KDM4C: variants seen among roughly 807,000 people sequenced by gnomAD.
The protein encoded by KDM4C is lysine demethylase 4C.
In KDM4C, 81 loss-of-function variants were observed where a neutral mutation model predicts 129.3. The observed-to-expected ratio is 0.63, with a 90% CI of 0.52 to 0.75. The LOEUF is 0.75. Ranked by LOEUF, KDM4C falls within the 30% of genes least tolerant of loss-of-function variation. KDM4C has a pLI of 0.00. For missense variants in KDM4C, 1,457 were observed against 1,304.0 expected (o/e 1.12, Z -1.81); for synonymous variants, 573 against 456.1 (o/e 1.26, Z -3.26).
intron 1 of KDM4C, among the ~76,000 whole-genome samples, chr9:6,759,099 A>C (rs1314829452): frequency 6.6e-6 from 1 of 151,822 alleles, no homozygotes; most frequent in Non-Finnish European, 1.5e-5. Context: ...GACAAGGTAA[A>C]CTTTTTTTTG....
intron 5 of KDM4C, among the ~76,000 whole-genome samples, chr9:6,861,730 T>A (rs1011988971): frequency 1.3e-5 from 2 of 152,112 alleles, no homozygotes; most frequent in African/African-American, 4.8e-5. Flanking sequence ...GCATAAAGTT[T>A]CTTGAACTCA....
intron 17 of KDM4C, among the ~76,000 whole-genome samples, chr9:7,069,706 A>C (rs542823226): frequency 3.3e-5 from 5 of 152,344 alleles, no homozygotes; most frequent in African/African-American, 1.2e-4. Context: ...TAATTTTATC[A>C]CATGGAAATG....
intron 8 of KDM4C, among the ~76,000 whole-genome samples, chr9:6,956,714 T>A (rs556849697): frequency 6.6e-6 from 1 of 152,358 alleles, no homozygotes; most frequent in East Asian, 1.9e-4. Context: ...CAATCCCTTC[T>A]TTATGAGGTC....
intron 1 of KDM4C, among the ~76,000 whole-genome samples, chr9:6,786,776 A>G (rs1270814034): frequency 1.3e-5 from 2 of 152,190 alleles, no homozygotes; most frequent in Admixed American, 1.3e-4. Context: ...ATTAATATAA[A>G]TACCTTTTAA....
intron 8 of KDM4C, among the ~76,000 whole-genome samples, chr9:6,958,586 GAAA>G (rs987352305): frequency 2.1e-5 from 3 of 140,386 alleles, no homozygotes; most frequent in Admixed American, 7.2e-5. Context: ...GACTCTGTCT[GAAA>G]AAAAAAAAAT....
intron 17 of KDM4C, among the ~76,000 whole-genome samples, chr9:7,083,499 C>G (rs1193320935): frequency 6.6e-6 from 1 of 152,142 alleles, no homozygotes; most frequent in Non-Finnish European, 1.5e-5. Context: ...CACATCTAGG[C>G]TATATGGTAT....
chr9:7,009,447 T>C (rs1278852403), intron 12 of KDM4C, among the ~76,000 whole-genome samples: 1 of 152,234 alleles, frequency 6.6e-6, no homozygotes, highest in Non-Finnish European at 1.5e-5. Context: ...AAATATTTTA[T>C]GCATACATTC....
intron 1 of KDM4C, among the ~76,000 whole-genome samples, chr9:6,752,096 G>C (rs1818089097): frequency 1.3e-5 from 2 of 150,480 alleles, no homozygotes; most frequent in African/African-American, 5.0e-5. Context: ...CACTTTGGGA[G>C]GCCGAGACGG....
chr9:6,905,546 T>A (rs1013211703), intron 8 of KDM4C, among the ~76,000 whole-genome samples: 1 of 152,246 alleles, frequency 6.6e-6, no homozygotes, highest in African/African-American at 2.4e-5. Context: ...TATACACTTA[T>A]GACCTTCAGA....
intron 4 of KDM4C, among the ~76,000 whole-genome samples, chr9:6,849,287 A>G (rs563573062): frequency 6.6e-6 from 1 of 152,342 alleles, no homozygotes; most frequent in African/African-American, 2.4e-5. Context: ...TTTCTACCAG[A>G]TAGTTGTATG....
chr9:6,780,377 C>T (rs1034391541), intron 1 of KDM4C, among the ~76,000 whole-genome samples: 3 of 139,918 alleles, frequency 2.1e-5, no homozygotes, highest in Admixed American at 1.5e-4. Flanking sequence ...GTTAAGAGAT[C>T]GGGAATTTGT....
chr9:6,829,819 A>G (rs572559672), intron 4 of KDM4C, among the ~76,000 whole-genome samples: 33 of 152,336 alleles, frequency 2.2e-4, no homozygotes, highest in Non-Finnish European at 4.0e-4. Context: ...AGGTATATCT[A>G]TTGGAAGCCC....
At chr9:6,986,823 A>T (rs1817798613) in intron 11 of KDM4C, 157 bp downstream of exon 11, 2 of 574,686 alleles carry the variant, frequency 3.5e-6, no homozygotes, top group African/African-American at 1.9e-5. Context: ...CTGGGAGGTA[A>T]GCCTCCTGTG....
At chr9:6,768,904 C>T (rs1033620633) in intron 1 of KDM4C, among the ~76,000 whole-genome samples, 1 of 152,134 alleles carries the variant, frequency 6.6e-6, no homozygotes, top group East Asian at 1.9e-4. Context: ...TCCCGAGTAA[C>T]TGGGACTACA....
At chr9:7,109,050 A>C (rs1460524332) in intron 18 of KDM4C, among the ~76,000 whole-genome samples, 1 of 152,224 alleles carries the variant, frequency 6.6e-6, no homozygotes, top group Non-Finnish European at 1.5e-5. Context: ...CCAAGGATGC[A>C]GAATTGTAGT....
intron 8 of KDM4C, among the ~76,000 whole-genome samples, chr9:6,919,530 T>C (rs1333797465): frequency 3.7e-5 from 2 of 53,798 alleles, no homozygotes; most frequent in Non-Finnish European, 8.5e-5. Context: ...TTCAATTTCA[T>C]CTGTCTGTCT....
At chr9:7,084,976 C>G (rs1834944927) in intron 17 of KDM4C, among the ~76,000 whole-genome samples, 1 of 152,182 alleles carries the variant, frequency 6.6e-6, no homozygotes, top group Non-Finnish European at 1.5e-5. Flanking sequence ...TTTGGAGGGT[C>G]AAGAGTGGAT....
intron 1 of KDM4C, among the ~76,000 whole-genome samples, chr9:6,748,165 CAAA>C (rs71315558): frequency 0.033 from 3,238 of 97,514 alleles, 121 homozygotes; most frequent in African/African-American, 0.12. Flanking sequence ...GACTTGGTCT[CAAA>C]AAAAAAACAA....
chr9:6,847,115 G>C (rs754189248), intron 4 of KDM4C, among the ~76,000 whole-genome samples: 5 of 152,168 alleles, frequency 3.3e-5, no homozygotes, highest in African/African-American at 1.2e-4. Flanking sequence ...ATAAAACTTA[G>C]ATGTCTCCAT....
Sources: gnomAD v4.1 joint callset for allele counts (sites outside exome capture counted in the v4.1 genomes callset) on GRCh38, gnomAD v4.1.1 for gene constraint, MANE v1.5 for transcripts, NCBI Gene and HGNC (gene_info 2026-07-23, HGNC 2026-07-21) for gene names.